The following MTUS1 variants were observed in gnomAD, a reference collection of about 807,000 sequenced individuals.
The protein encoded by MTUS1 is microtubule-associated tumor suppressor 1.
A neutral mutation model predicts 120.8 loss-of-function variants in MTUS1; 109 were observed. That is an observed-to-expected ratio of 0.90 (90% CI 0.77 to 1.06). The LOEUF (loss-of-function observed/expected upper bound fraction) is 1.06, where lower values mean the gene tolerates loss of function less well. Ranked by LOEUF, MTUS1 falls within the 50% of genes least tolerant of loss-of-function variation. The pLI, the probability that MTUS1 is intolerant of heterozygous loss-of-function variation, is 0.00. For missense variants in MTUS1, 2,210 were observed against 1,486.3 expected, an observed-to-expected ratio of 1.49 and a Z score of -8.01; for synonymous variants, 737 against 550.5, an observed-to-expected ratio of 1.34 and a Z score of -4.74.
intron 3 of MTUS1, among the ~76,000 whole-genome samples, chr8:17,735,644 C>G (rs2046873393): frequency 6.6e-6 from 1 of 152,236 alleles, no homozygotes; most frequent in African/African-American, 2.4e-5. Context: ...GCATTCCAAA[C>G]AGTTCAAATG....
chr8:17,682,615 G>T (rs971352089), intron 7 of MTUS1, among the ~76,000 whole-genome samples: 1 of 152,058 alleles, frequency 6.6e-6, no homozygotes, highest in South Asian at 2.1e-4. Flanking sequence ...AAAGACATAG[G>T]AAGGGGAAAA....
chr8:17,683,363 T>G (rs1427208710), intron 7 of MTUS1, among the ~76,000 whole-genome samples: 1 of 152,114 alleles, frequency 6.6e-6, no homozygotes, highest in African/African-American at 2.4e-5. Flanking sequence ...CTCTCCCCAC[T>G]CCCTAAAAAG....
intron 2 of MTUS1, among the ~76,000 whole-genome samples, chr8:17,753,292 G>A (rs1377433076): frequency 6.6e-6 from 1 of 152,102 alleles, no homozygotes; most frequent in African/African-American, 2.4e-5. Flanking sequence ...GAGTCCAGGA[G>A]TTATTTTTAT....
rs1807797981 is a variant in MTUS1 at position 17,654,611 on chromosome 8, T to G, written c.3164A>C (p.His1055Pro). ...CTTTAGCAATTCAAGTTTCTCTGAG[T>G]GGCTAGCTTCAATTTCCAACTTAGA... The part of the protein sequence containing the change: ...ETSKLEIEAS[H>P]SEKLELLKKA... The change falls in exon 10 of 15, where the codon CAC becomes CCC. Residue 1055 changes from histidine (H) to proline (P), a missense_variant. Transcript: ENST00000693296. The G allele has an allele frequency of 1.9e-6, 3 of 1,614,068 alleles. No homozygotes were observed. The highest frequency in any genetic ancestry group is 3.3e-5 in the Admixed American group (2 of 60,014).
chr8:17,658,523 C>T (rs1808955831), intron 8 of MTUS1, among the ~76,000 whole-genome samples: 1 of 152,156 alleles, frequency 6.6e-6, no homozygotes. Context: ...TGTGTAAATA[C>T]AGGCAGACAG....
At chr8:17,716,804 T>G (rs1023687093) in intron 4 of MTUS1, among the ~76,000 whole-genome samples, 2 of 152,210 alleles carry the variant, frequency 1.3e-5, no homozygotes, top group Non-Finnish European at 2.9e-5. Flanking sequence ...TCTGCCCGCC[T>G]CAGCCTCCCA....
intron 1 of MTUS1, among the ~76,000 whole-genome samples, chr8:17,763,236 C>T (rs2049184578): frequency 6.6e-6 from 1 of 152,276 alleles, no homozygotes; most frequent in South Asian, 2.1e-4. Flanking sequence ...GTGATCTACA[C>T]ACCTCGGCCT....
At chr8:17,689,977 C>A (rs138574399) in intron 6 of MTUS1, among the ~76,000 whole-genome samples, 2 of 152,222 alleles carry the variant, frequency 1.3e-5, no homozygotes, top group African/African-American at 4.8e-5. Flanking sequence ...GCAAGGAATT[C>A]ATGACTAAGA....
intron 2 of MTUS1, among the ~76,000 whole-genome samples, chr8:17,747,656 A>C (rs1251993552): frequency 2.6e-5 from 4 of 152,106 alleles, no homozygotes; most frequent in Non-Finnish European, 4.4e-5. Context: ...AAAACTACCT[A>C]TGGCCTGCCT....
At chr8:17,752,903 T>C (rs1300758234) in intron 2 of MTUS1, among the ~76,000 whole-genome samples, 3 of 152,244 alleles carry the variant, frequency 2.0e-5, no homozygotes, top group Non-Finnish European at 4.4e-5. Context: ...GTCAAATGTT[T>C]TTAAAACCCA....
chr8:17,665,948 G>A (rs1810806648), intron 8 of MTUS1, among the ~76,000 whole-genome samples: 1 of 152,034 alleles, frequency 6.6e-6, no homozygotes, highest in Admixed American at 6.6e-5. Context: ...CTCCATCTTG[G>A]TGCCTAGGTA....
At chr8:17,671,641 C>T (rs1027604360) in intron 8 of MTUS1, among the ~76,000 whole-genome samples, 4 of 152,152 alleles carry the variant, frequency 2.6e-5, no homozygotes, top group African/African-American at 7.2e-5. Context: ...CTGTTAGATG[C>T]GGAAGGTGGA....
intron 1 of MTUS1, among the ~76,000 whole-genome samples, chr8:17,757,021 A>G (rs533895252): frequency 2.0e-5 from 3 of 152,220 alleles, no homozygotes; most frequent in Non-Finnish European, 4.4e-5. Flanking sequence ...CACATGCCCC[A>G]GCAATTCTAC....
intron 1 of MTUS1, among the ~76,000 whole-genome samples, chr8:17,764,293 C>T (rs1279598602): frequency 6.6e-6 from 1 of 151,944 alleles, no homozygotes; most frequent in African/African-American, 2.4e-5. Flanking sequence ...TGACATCTGA[C>T]CTATCCTCTT....
chr8:17,722,502 C>G, intron 4 of MTUS1: 1 of 985,308 alleles, frequency 1.0e-6, no homozygotes, highest in Non-Finnish European at 1.2e-6. Flanking sequence ...AAGCTGGTAA[C>G]AATCCTGTTT....
chr8:17,773,954 C>G (rs1437090300), intron 1 of MTUS1, among the ~76,000 whole-genome samples: 2 of 152,140 alleles, frequency 1.3e-5, no homozygotes, highest in East Asian at 3.9e-4. Flanking sequence ...GGAGGCACAC[C>G]TAACCATTCC....
chr8:17,674,138 C>T (rs369199197), intron 8 of MTUS1, among the ~76,000 whole-genome samples: 4 of 152,032 alleles, frequency 2.6e-5, no homozygotes, highest in Non-Finnish European at 4.4e-5. Context: ...TACGAGTTGA[C>T]GTAGAAAAGG....
intron 1 of MTUS1, among the ~76,000 whole-genome samples, chr8:17,762,139 TATGGTGGC>T (rs1460111695): frequency 6.6e-6 from 1 of 151,810 alleles, no homozygotes; most frequent in Non-Finnish European, 1.5e-5. Context: ...AATTGCCAGG[TATGGTGGC>T]AGGTGCCTGT....
Position 17,713,258 on chromosome 8 carries a change from A to T in MTUS1, c.2585-6T>A. The T allele has an allele frequency of 2.0e-6, 3 of 1,526,612 alleles. No homozygotes were observed. The highest frequency in any genetic ancestry group is 2.7e-6 in the Non-Finnish European group (3 of 1,103,218). 94.6% of individuals were successfully genotyped at this position (1,526,612 alleles called of 1,614,324 possible). A position where few individuals can be genotyped will look rare whatever the true frequency, so the allele number is the denominator to read the frequency against. ...TAAATTTTTTCTCGAAGGACCTAAG[A>T]TATAAAAGAAACATGTAAAATACAT... is the stretch of plus-strand genomic sequence containing the variant. On this transcript the variant is annotated splice_region_variant and splice_polypyrimidine_tract_variant and intron_variant, in intron 5 of 14. Transcript: ENST00000693296.
Sources: gnomAD v4.1 joint callset for allele counts (sites outside exome capture counted in the v4.1 genomes callset) on GRCh38, gnomAD v4.1.1 for gene constraint, MANE v1.5 for transcripts, NCBI Gene and HGNC (gene_info 2026-07-23, HGNC 2026-07-21) for gene names.